The following ERCC8 variants were observed in gnomAD, a reference collection of about 807,000 sequenced individuals.
The protein encoded by ERCC8 is ERCC excision repair 8, CSA ubiquitin ligase complex subunit, also known as DNA excision repair protein ERCC-8.
A neutral mutation model predicts 54.9 loss-of-function variants in ERCC8; 52 were observed. The observed-to-expected ratio is 0.95, with a 90% CI of 0.76 to 1.19. The LOEUF (loss-of-function observed/expected upper bound fraction) is 1.19. Ranked by LOEUF, ERCC8 falls within the 50% of genes most tolerant of loss-of-function variation. The pLI is 0.00. For missense variants in ERCC8, 514 were observed against 466.1 expected (o/e 1.10, Z -0.95); for synonymous variants, 146 against 157.2 (o/e 0.93, Z 0.53).
chr5:60,879,376 C>G lies in ERCC8; in HGVS notation c.1123-4693G>C, dbSNP rs543398732. 7.9e-5 allele frequency among the ~76,000 whole-genome samples: 12 copies of G among 152,246 alleles called. No homozygotes were observed. The East Asian group carries it at 2.1e-3, about 27-fold the overall frequency. ...TTGGGGTGGAGAGTTCTGTAGATGT[C>G]TATTAGGTCTGCTTGGTGCAGAGCT... is the stretch of plus-strand genomic sequence containing the variant. On this transcript the variant is annotated intron_variant, in intron 11 of 11. Transcript: ENST00000676185.
chr5:60,870,442 C>A lies in ERCC8; in HGVS notation c.*4173G>T, dbSNP rs200148352. On this transcript the variant is annotated 3_prime_UTR_variant, in exon 12 of 12. Coordinates refer to ENST00000676185, the MANE Select transcript of ERCC8 (RefSeq NM_000082.4). The stretch of plus-strand genomic sequence containing the variant: ...GGTGGATCACTAGAGCCCAGGAGTT[C>A]AAGACCAGCCTGGCCAACATGGTGA... Among the ~76,000 whole-genome samples, 1 of 122,982 alleles carries A rather than the reference C, an allele frequency of 8.1e-6. No individual in the cohort carries two copies. The highest frequency in any genetic ancestry group is 2.7e-4 in the East Asian group (1 of 3,762). The allele number at this position is 122,982 out of a possible 152,430, so 80.7% of individuals were successfully genotyped here. A position where few individuals can be genotyped will look rare whatever the true frequency, so the allele number is the denominator to read the frequency against.
intron 4 of ERCC8, among the ~76,000 whole-genome samples, chr5:60,911,640 G>C (rs1749268603): frequency 6.6e-6 from 1 of 152,146 alleles, no homozygotes; most frequent in East Asian, 1.9e-4. Context: ...ATTGCTTTTG[G>C]TGTTTTAGAC....
chr5:60,875,798 G>C (rs946869881), intron 11 of ERCC8, among the ~76,000 whole-genome samples: 1 of 152,072 alleles, frequency 6.6e-6, no homozygotes, highest in African/African-American at 2.4e-5. Context: ...CCGGGTTCAC[G>C]CCATTGTCCT....
chr5:60,933,747 C>T (rs942626080), intron 1 of ERCC8, among the ~76,000 whole-genome samples: 1 of 152,074 alleles, frequency 6.6e-6, no homozygotes. Context: ...CCCCCGAGTC[C>T]CCAAAGTCCA....
At chr5:60,931,581 T>A (rs1020504241) in intron 1 of ERCC8, among the ~76,000 whole-genome samples, 1 of 152,228 alleles carries the variant, frequency 6.6e-6, no homozygotes, top group African/African-American at 2.4e-5. Flanking sequence ...AGTACTGGGA[T>A]TACAGGTGTG....
chr5:60,928,927 T>A lies in ERCC8; in HGVS notation c.110A>T (p.Asp37Val). The A allele has an allele frequency of 6.2e-7, 1 of 1,607,774 alleles. No homozygotes were observed. The highest frequency in any genetic ancestry group is 2.2e-5 in the East Asian group (1 of 44,726). The change falls in exon 2 of 12, where the codon GAT becomes GTT. Residue 37 changes from aspartate (D) to valine (V), a missense_variant. Physicochemically the swap from Asp to Val is radical, Grantham distance 152 (BLOSUM62 -3). Coordinates refer to ENST00000676185, the MANE Select transcript of ERCC8 (RefSeq NM_000082.4). ...VLGLELNKDR[D>V]VERIHGGGIN... Reference sequence around the variant, plus strand: ...TCCACCGCCGTGGATTCTTTCAACATCTCTGTCTTTATTTAATTCCAGTCC... The same window carrying A: ...TCCACCGCCGTGGATTCTTTCAACAACTCTGTCTTTATTTAATTCCAGTCC...
intron 9 of ERCC8, among the ~76,000 whole-genome samples, chr5:60,895,280 A>G (rs988642456): frequency 7.9e-5 from 12 of 152,066 alleles, no homozygotes; most frequent in African/African-American, 2.9e-4. Context: ...GTCAAAATGG[A>G]TACATGCTAA....
intron 11 of ERCC8, among the ~76,000 whole-genome samples, chr5:60,877,496 C>A (rs1417000476): frequency 6.6e-6 from 1 of 152,152 alleles, no homozygotes; most frequent in African/African-American, 2.4e-5. Flanking sequence ...ATTGATTCTT[C>A]CTACCCATGA....
rs556612765 is a variant in ERCC8, at chr5:60,939,348, G to A, written c.77+5584C>T. On this transcript the variant is annotated intron_variant, in intron 1 of 11. Coordinates refer to ENST00000676185, the MANE Select transcript of ERCC8 (RefSeq NM_000082.4). Reference sequence around the variant, plus strand: ...CTTCGGATTTCATTCAAATACATTTGGTTTTTGATTAACGTTCTTTCCTAA... The same window carrying A: ...CTTCGGATTTCATTCAAATACATTTAGTTTTTGATTAACGTTCTTTCCTAA... Among the ~76,000 whole-genome samples the A allele has an allele frequency of 2.0e-5, 3 of 152,156 alleles. No homozygotes were observed. The East Asian group carries it at 5.8e-4, about 29-fold the overall frequency.
chr5:60,888,002 T>C (rs1366369710), intron 10 of ERCC8, among the ~76,000 whole-genome samples: 2 of 152,188 alleles, frequency 1.3e-5, no homozygotes, highest in East Asian at 1.9e-4. Flanking sequence ...CCCATGCCTG[T>C]TGAGAAGTTT....
At chr5:60,899,794 T>G (rs985271618) in intron 7 of ERCC8, 67 bp from the exon 8 acceptor site, 2 of 1,173,136 alleles carry the variant, frequency 1.7e-6, no homozygotes, top group East Asian at 2.3e-5. Context: ...TCACCCACCT[T>G]TCTAATTTTA....
chr5:60,901,696 T>C (rs1407910972), intron 7 of ERCC8, among the ~76,000 whole-genome samples: 2 of 152,194 alleles, frequency 1.3e-5, no homozygotes, highest in East Asian at 3.9e-4. Context: ...CACCCTCATC[T>C]GGATCCTTGA....
Position 60,903,628 on chromosome 5 carries a change from T to G in ERCC8, c.550+20A>C, listed in dbSNP as rs962991558. ...ATCGTTTACTCAAAGTAGTTGCCGT[T>G]TGAAATAAAATAAAAATACCCTGTA... is the stretch of plus-strand genomic sequence containing the variant. On this transcript the variant is annotated intron_variant, in intron 6 of 11. Transcript: ENST00000676185. 1 of 1,612,250 alleles carries G rather than the reference T, an allele frequency of 6.2e-7. No individual in the cohort carries two copies. The highest frequency in any genetic ancestry group is 8.5e-7 in the Non-Finnish European group (1 of 1,178,906).
intron 11 of ERCC8, among the ~76,000 whole-genome samples, chr5:60,881,218 G>A (rs1311834138): frequency 6.6e-6 from 1 of 152,154 alleles, no homozygotes; most frequent in African/African-American, 2.4e-5. Flanking sequence ...TCGTTCCTCT[G>A]GGAGTTTTGT....
intron 4 of ERCC8, among the ~76,000 whole-genome samples, chr5:60,914,802 A>C (rs1749380621): frequency 6.6e-6 from 1 of 151,478 alleles, no homozygotes; most frequent in African/African-American, 2.4e-5. Context: ...AAAAAAAAAA[A>C]AAAAAAAGGA....
intron 4 of ERCC8, 103 bp from the exon 5 acceptor site, chr5:60,904,976 G>T: frequency 1.7e-6 from 1 of 582,586 alleles, no homozygotes; most frequent in Non-Finnish European, 3.2e-6. Flanking sequence ...TTTTTAAATT[G>T]ACTGTTAGCA....
intron 4 of ERCC8, 135 bp downstream of exon 4, chr5:60,918,130 T>C (rs1749491107): frequency 9.8e-6 from 7 of 711,280 alleles, no homozygotes; most frequent in South Asian, 4.7e-5. Context: ...TCAAGTAGTC[T>C]AGCTCTTCTT....
At chr5:60,893,984 CTTTT>C (rs35254362) in intron 9 of ERCC8, among the ~76,000 whole-genome samples, 7 of 109,842 alleles carry the variant, frequency 6.4e-5, no homozygotes, top group Admixed American at 1.8e-4. Context: ...GGGAATTTAT[CTTTT>C]TTTTTTTTTT....
chr5:60,901,082 T>C (rs1748891877), intron 7 of ERCC8, among the ~76,000 whole-genome samples: 1 of 151,964 alleles, frequency 6.6e-6, no homozygotes, highest in Non-Finnish European at 1.5e-5. Flanking sequence ...CAGACACAGA[T>C]CTTTATAAAA....
Sources: gnomAD v4.1 joint callset for allele counts (sites outside exome capture counted in the v4.1 genomes callset) on GRCh38, gnomAD v4.1.1 for gene constraint, MANE v1.5 for transcripts, NCBI Gene and HGNC (gene_info 2026-07-23, HGNC 2026-07-21) for gene names.